Variants in GPR158 observed in about 807,000 individuals in gnomAD.
GPR158 encodes the protein G protein-coupled receptor 158.
GPR158 carries 30 observed loss-of-function variants against 78.2 expected under a neutral mutation model. The ratio of observed to expected loss-of-function variants is 0.38; its 90% confidence interval spans 0.29 to 0.52. The LOEUF is 0.52. Ranked by LOEUF, GPR158 falls within the 20% of genes least tolerant of loss-of-function variation. The pLI, the probability that GPR158 is intolerant of heterozygous loss-of-function variation, is 0.83. For missense variants in GPR158, 1,463 were observed against 1,523.5 expected, an observed-to-expected ratio of 0.96 and a Z score of 0.66; for synonymous variants, 581 against 591.1, an observed-to-expected ratio of 0.98 and a Z score of 0.25.
At chr10:25,230,628 G>T (rs946186570) in intron 2 of GPR158, among the ~76,000 whole-genome samples, 1 of 152,118 alleles carries the variant, frequency 6.6e-6, no homozygotes, top group Non-Finnish European at 1.5e-5. Context: ...CTATTATATG[G>T]ATATTTTTAC....
At chr10:25,219,694 T>TA (rs1853271672) in intron 1 of GPR158, among the ~76,000 whole-genome samples, 1 of 152,144 alleles carries the variant, frequency 6.6e-6, no homozygotes, top group Non-Finnish European at 1.5e-5. Flanking sequence ...AGAGGCAGAC[T>TA]GAAAAAATAA....
intron 5 of GPR158, among the ~76,000 whole-genome samples, chr10:25,516,406 T>G (rs1226887822): frequency 6.6e-6 from 1 of 152,182 alleles, no homozygotes; most frequent in Non-Finnish European, 1.5e-5. Context: ...TGGCTTTTGC[T>G]GCCATTGCTT....
At chr10:25,264,068 T>G (rs972297145) in intron 2 of GPR158, among the ~76,000 whole-genome samples, 1 of 152,248 alleles carries the variant, frequency 6.6e-6, no homozygotes, top group Non-Finnish European at 1.5e-5. Context: ...TCAGGCATTT[T>G]TGAGTATGGC....
chr10:25,357,706 C>T (rs936322836), intron 2 of GPR158, among the ~76,000 whole-genome samples: 2 of 152,074 alleles, frequency 1.3e-5, no homozygotes, highest in Admixed American at 1.3e-4. Flanking sequence ...GATGTCCAGG[C>T]AGAAGTTTGC....
At chr10:25,303,381 A>G (rs1352400616) in intron 2 of GPR158, among the ~76,000 whole-genome samples, 1 of 152,192 alleles carries the variant, frequency 6.6e-6, no homozygotes, top group Non-Finnish European at 1.5e-5. Context: ...TTCTAGAGGC[A>G]TGACAAAGAA....
In GPR158 at chr10:25,598,143, AGAG is replaced by A. The variant is rs768219774; in HGVS notation, c.2524_2526del (p.Glu842del). ...CCAGTAGCCTACCCACAGAAAGCCA[AGAG>A]GAGGAGACAACAGAAAATTCCACAC... On this transcript the variant is annotated inframe_deletion, in exon 11 of 11. Coordinates refer to ENST00000376351, the MANE Select transcript of GPR158 (RefSeq NM_020752.3). 3 of 1,614,180 alleles carry A rather than the reference AGAG, an allele frequency of 1.9e-6. No homozygotes were observed. The highest frequency in any genetic ancestry group is 2.5e-6 in the Non-Finnish European group (3 of 1,180,032).
intron 5 of GPR158, among the ~76,000 whole-genome samples, chr10:25,470,146 C>G (rs1366346262): frequency 6.7e-6 from 1 of 149,330 alleles, no homozygotes; most frequent in Non-Finnish European, 1.5e-5. Flanking sequence ...ATATGTAGAT[C>G]GAGTGTTCTT....
chr10:25,332,137 G>T (rs988704457), intron 2 of GPR158, among the ~76,000 whole-genome samples: 3 of 152,060 alleles, frequency 2.0e-5, no homozygotes, highest in African/African-American at 7.3e-5. Context: ...ATACATTTCT[G>T]GTTTCCCATA....
At chr10:25,350,031 T>A (rs1379202780) in intron 2 of GPR158, among the ~76,000 whole-genome samples, 3 of 151,870 alleles carry the variant, frequency 2.0e-5, no homozygotes, top group African/African-American at 7.3e-5. Flanking sequence ...TTGGTGGTAA[T>A]AAAAGTTGAA....
chr10:25,426,677 A>G (rs949371508), intron 4 of GPR158, among the ~76,000 whole-genome samples: 3 of 152,130 alleles, frequency 2.0e-5, no homozygotes, highest in Non-Finnish European at 4.4e-5. Context: ...CAGAACAATT[A>G]CAAGAGTAAC....
intron 5 of GPR158, among the ~76,000 whole-genome samples, chr10:25,507,498 T>C (rs1836029163): frequency 6.6e-6 from 1 of 152,192 alleles, no homozygotes. Context: ...CATGTTGTGT[T>C]TGTACAATTC....
chr10:25,379,665 T>TTTC (rs33927038), intron 2 of GPR158, among the ~76,000 whole-genome samples: 3 of 150,206 alleles, frequency 2.0e-5, no homozygotes, highest in Non-Finnish European at 3.0e-5. Flanking sequence ...TTTTTTTTTT[T>TTTC]CTGTACTTCC....
At chr10:25,420,758 A>G (rs1038632595) in intron 4 of GPR158, among the ~76,000 whole-genome samples, 5 of 152,164 alleles carry the variant, frequency 3.3e-5, no homozygotes, top group Admixed American at 6.5e-5. Context: ...CAGCCTTGCC[A>G]AAGATCATTT....
At chr10:25,189,833 CATGT>C (rs914401204) in intron 1 of GPR158, among the ~76,000 whole-genome samples, 3 of 105,718 alleles carry the variant, frequency 2.8e-5, no homozygotes, top group African/African-American at 9.5e-5. Context: ...GAAAGGAAAG[CATGT>C]GTGTGTGTGT....
chr10:25,588,332 G>T (rs1054592613), intron 7 of GPR158, among the ~76,000 whole-genome samples: 1 of 152,148 alleles, frequency 6.6e-6, no homozygotes, highest in Non-Finnish European at 1.5e-5. Flanking sequence ...TATCTAACAC[G>T]GTGCTGAAGT....
intron 5 of GPR158, among the ~76,000 whole-genome samples, chr10:25,512,567 T>G (rs181436859): frequency 1.3e-4 from 20 of 152,270 alleles, no homozygotes; most frequent in African/African-American, 4.8e-4. Flanking sequence ...AGTACTATGT[T>G]GAATTGAAGT....
intron 4 of GPR158, among the ~76,000 whole-genome samples, chr10:25,458,436 T>C (rs78038895): frequency 0.018 from 2,708 of 152,292 alleles, 33 homozygotes; most frequent in Middle Eastern, 0.031. Flanking sequence ...GAGGGTCAGA[T>C]TGGATGCACA....
At chr10:25,541,900 A>C (rs2130703888) in intron 5 of GPR158, among the ~76,000 whole-genome samples, 1 of 146,538 alleles carries the variant, frequency 6.8e-6, no homozygotes, top group Non-Finnish European at 1.5e-5. Flanking sequence ...TTGACTAGGA[A>C]GCAGGGGGAA....
At chr10:25,198,041 CAA>C (rs1419788146) in intron 1 of GPR158, among the ~76,000 whole-genome samples, 8 of 152,022 alleles carry the variant, frequency 5.3e-5, no homozygotes, top group Non-Finnish European at 8.8e-5. Flanking sequence ...ACAGCAGACT[CAA>C]GATATATTTT....
Sources: allele counts gnomAD v4.1 joint callset (sites outside exome capture counted in the v4.1 genomes callset), GRCh38; gene constraint gnomAD v4.1.1; transcripts MANE v1.5; gene names NCBI Gene and HGNC (gene_info 2026-07-23, HGNC 2026-07-21).